Variants in PITPNM2 observed in about 807,000 individuals in gnomAD.
PITPNM2 encodes membrane-associated phosphatidylinositol transfer protein 2.
PITPNM2 carries 35 observed loss-of-function variants against 132.2 expected under a neutral mutation model. The ratio of observed to expected loss-of-function variants is 0.26; its 90% CI spans 0.20 to 0.35. PITPNM2 has a LOEUF of 0.35. Among genes scored for constraint, PITPNM2 ranks in the 10% least tolerant of loss-of-function variants. The pLI, the probability that PITPNM2 is intolerant of heterozygous loss-of-function variation, is 1.00. For synonymous variants in PITPNM2, 738 were observed against 799.2 expected (o/e 0.92, Z 1.29); for missense variants, 1,332 against 1,912.0 (o/e 0.70, Z 5.66).
chr12:123,014,003 C>A lies in PITPNM2; in HGVS notation c.118G>T (p.Val40Leu). Reference protein sequence around the residue: ...RNETYGEGSGVEILENRPYTD... With the variant: ...RNETYGEGSGLEILENRPYTD... ...TACGGCCGGTTCTCCAGGATCTCCA[C>A]GCCGCTGCCTTCGCCATATGTCTCG... is the stretch of plus-strand genomic sequence containing the variant. The change falls in exon 4 of 26, where the codon GTG (valine) becomes TTG (leucine). Residue 40 changes from valine to leucine, a missense_variant. Val to Leu is a conservative substitution (Grantham distance 32). Coordinates refer to ENST00000320201, the MANE Select transcript of PITPNM2 (RefSeq NM_020845.3). The A allele has an allele frequency of 6.2e-7, 1 of 1,614,276 alleles. No individual in the cohort carries two copies. Among genetic ancestry groups the A allele is most frequent in the Non-Finnish European group, 8.5e-7 (1 of 1,180,054 alleles).
At chr12:123,144,395 A>G (rs2043569381) in intron 1 of PITPNM2, among the ~76,000 whole-genome samples, 1 of 152,196 alleles carries the variant, frequency 6.6e-6, no homozygotes, top group Admixed American at 6.5e-5. Context: ...CCAGGAGTTT[A>G]ATGTTAATGA....
chr12:123,068,240 G>A (rs1183110498), intron 2 of PITPNM2, among the ~76,000 whole-genome samples: 1 of 152,124 alleles, frequency 6.6e-6, no homozygotes, highest in East Asian at 1.9e-4. Context: ...GGCCAAGGTG[G>A]GCGGATCACA....
chr12:123,085,755 T>A (rs1367021744), intron 2 of PITPNM2, among the ~76,000 whole-genome samples: 1 of 152,106 alleles, frequency 6.6e-6, no homozygotes, highest in Non-Finnish European at 1.5e-5. Flanking sequence ...GGATGGCCAA[T>A]AACTCCACAG....
chr12:123,041,234 C>A (rs2040462400), intron 2 of PITPNM2, among the ~76,000 whole-genome samples: 1 of 152,178 alleles, frequency 6.6e-6, no homozygotes, highest in Non-Finnish European at 1.5e-5. Flanking sequence ...CAGCCCTGTT[C>A]CAACCAGTGT....
intron 2 of PITPNM2, among the ~76,000 whole-genome samples, chr12:123,035,580 C>T (rs930478264): frequency 3.3e-5 from 5 of 151,954 alleles, no homozygotes; most frequent in Non-Finnish European, 2.9e-5. Flanking sequence ...GCAGGAGAAT[C>T]GCTTGAACCC....
intron 2 of PITPNM2, among the ~76,000 whole-genome samples, chr12:123,044,087 G>C (rs1353825206): frequency 1.3e-5 from 2 of 152,158 alleles, no homozygotes; most frequent in Non-Finnish European, 2.9e-5. Context: ...AAATAAGACT[G>C]GGCCCTTAAA....
intron 2 of PITPNM2, among the ~76,000 whole-genome samples, chr12:123,066,050 G>A (rs370574119): frequency 1.2e-4 from 18 of 152,212 alleles, no homozygotes; most frequent in African/African-American, 4.3e-4. Flanking sequence ...GTTTGTGTGC[G>A]TGTGTGTAGA....
At chr12:123,122,094 A>G (rs1258735642) in intron 1 of PITPNM2, among the ~76,000 whole-genome samples, 6 of 152,016 alleles carry the variant, frequency 3.9e-5, no homozygotes, top group Non-Finnish European at 8.8e-5. Context: ...CATCTTCCCA[A>G]ACTGAACTCT....
chr12:123,147,453 C>T (rs73417309), intron 1 of PITPNM2, among the ~76,000 whole-genome samples: 235 of 152,274 alleles, frequency 1.5e-3, no homozygotes, highest in African/African-American at 5.4e-3. Context: ...CACACCACCA[C>T]GCCCAGCTAG....
At chr12:123,063,862 AAGGTATGTGGACCTTCATTTTAT>A (rs1483645196) in intron 2 of PITPNM2, among the ~76,000 whole-genome samples, 3 of 152,198 alleles carry the variant, frequency 2.0e-5, no homozygotes, top group Non-Finnish European at 4.4e-5. Flanking sequence ...TTTATAGGTG[AAGGTATGTGGACCTTCATTTTAT>A]AGGTATGTGG....
intron 1 of PITPNM2, among the ~76,000 whole-genome samples, chr12:123,137,667 C>T (rs1311228102): frequency 2.0e-5 from 3 of 151,940 alleles, no homozygotes; most frequent in Admixed American, 6.6e-5. Flanking sequence ...CCGAGACAGG[C>T]GGATCACTTG....
chr12:123,079,350 CTTTTTTTTTTTTTTTTT>C (rs139205213), intron 2 of PITPNM2, among the ~76,000 whole-genome samples: 1 of 53,834 alleles, frequency 1.9e-5, no homozygotes, highest in Non-Finnish European at 3.6e-5. Context: ...TTTTTCTTTT[CTTTTTTTTTTTTTTTTT>C]TTTTTTTTTT....
In PITPNM2 at chr12:123,036,986, G is replaced by A. The variant is rs2040290607; in HGVS notation, c.-95-2301C>T. ...TCAATGGGTCTAGCTAACAGCCCATGGGACCTGCAAGTTTAGGGCCTGAGG... is the reference window on the plus strand; with the variant it reads ...TCAATGGGTCTAGCTAACAGCCCATAGGACCTGCAAGTTTAGGGCCTGAGG... On this transcript the variant is annotated intron_variant, in intron 2 of 25. Coordinates refer to ENST00000320201, the MANE Select transcript of PITPNM2 (RefSeq NM_020845.3). This position sits in a 1 kb window ranked among gnomAD's most constrained non-coding sequence, Gnocchi z 4.1. Among the ~76,000 whole-genome samples, 1 of 152,260 alleles carries A rather than the reference G, an allele frequency of 6.6e-6. No homozygotes were observed. Among genetic ancestry groups the A allele is most frequent in the African/African-American group, 2.4e-5 (1 of 41,460 alleles).
In PITPNM2 at chr12:122,985,861, C is replaced by T. The variant is rs750752600; in HGVS notation, c.*166G>A. 92 of 614,566 alleles carry T rather than the reference C, an allele frequency of 1.5e-4. No individual in the cohort carries two copies. The highest frequency in any genetic ancestry group is 1.2e-3 in the Admixed American group (28 of 22,834). 38.1% of individuals were successfully genotyped at this position (614,566 alleles called of 1,614,324 possible). ...AAGCCGGACCCGTCAGGCCCGAGGA[C>T]GTGAGGCAGGGCAGGGAGCACTGTG... On this transcript the variant is annotated 3_prime_UTR_variant, in exon 26 of 26. Coordinates refer to ENST00000320201, the MANE Select transcript of PITPNM2 (RefSeq NM_020845.3).
At chr12:123,051,136 C>T (rs191799828) in intron 2 of PITPNM2, among the ~76,000 whole-genome samples, 166 of 152,348 alleles carry the variant, frequency 1.1e-3, no homozygotes, top group Middle Eastern at 3.4e-3. Context: ...ACACCTTGTC[C>T]TAGGCCTCTC....
At chr12:123,137,469 A>G (rs1467124728) in intron 1 of PITPNM2, among the ~76,000 whole-genome samples, 1 of 152,176 alleles carries the variant, frequency 6.6e-6, no homozygotes, top group African/African-American at 2.4e-5. Flanking sequence ...TGACCAGGAC[A>G]ACAGCAGCTC....
At chr12:123,112,898 A>G (rs1006051110) in intron 1 of PITPNM2, among the ~76,000 whole-genome samples, 2 of 152,206 alleles carry the variant, frequency 1.3e-5, no homozygotes, top group African/African-American at 4.8e-5. Context: ...AAAACAAAAC[A>G]AAAAGATACC....
chr12:123,000,055 G>C lies in PITPNM2; in HGVS notation c.1224+723C>G, dbSNP rs533551220. ...ACCGCAAAGCAGAAAACCACAGGAG[G>C]GGGAGGCTGTGTGGATGTCCCTCCT... On this transcript the variant is annotated intron_variant, in intron 10 of 25. Transcript: ENST00000320201. This position sits in a 1 kb window ranked among gnomAD's most constrained non-coding sequence, Gnocchi z 5.4. 6.6e-6 allele frequency among the ~76,000 whole-genome samples: 1 copy of C among 152,270 alleles called. No homozygotes were observed. The highest frequency in any genetic ancestry group is 1.5e-5 in the Non-Finnish European group (1 of 68,008).
rs1316342371 is a variant in PITPNM2, at chr12:122,993,579, G to C, written c.2234-910C>G. The stretch of plus-strand genomic sequence containing the variant: ...GGTACTCCACTGTGTGGTTGTGCCA[G>C]AATTTATTTAACCAGCCCCTCCACA... On this transcript the variant is annotated intron_variant, in intron 15 of 25. Coordinates refer to ENST00000320201, the MANE Select transcript of PITPNM2 (RefSeq NM_020845.3). The surrounding 1 kb of genome is among the most constrained non-coding windows in gnomAD (Gnocchi z 5.2). Among the ~76,000 whole-genome samples, 1 of 152,202 alleles carries C rather than the reference G, an allele frequency of 6.6e-6. No homozygotes were observed. The highest frequency in any genetic ancestry group is 1.5e-5 in the Non-Finnish European group (1 of 68,036).
Sources: gnomAD v4.1 joint callset for allele counts (sites outside exome capture counted in the v4.1 genomes callset) on GRCh38, gnomAD v4.1.1 for gene constraint, Gnocchi (gnomAD v3.1) non-coding constraint, MANE v1.5 for transcripts, NCBI Gene and HGNC (gene_info 2026-07-23, HGNC 2026-07-21) for gene names.